Variants in TNS3 observed in about 807,000 individuals in gnomAD.
TNS3 encodes the protein tensin-3.
TNS3 carries 45 observed loss-of-function variants against 140.9 expected under a neutral mutation model. The observed-to-expected ratio is 0.32, with a 90% confidence interval of 0.25 to 0.41. TNS3 has a LOEUF of 0.41. Among genes scored for constraint, TNS3 ranks in the 10% least tolerant of loss-of-function variants. The pLI is 1.00. For missense variants in TNS3, 1,716 were observed against 1,906.7 expected (o/e 0.90, Z 1.86); for synonymous variants, 815 against 788.4 (o/e 1.03, Z -0.56).
chr7:47,543,685 TA>T (rs67922926), intron 1 of TNS3, among the ~76,000 whole-genome samples: 12,613 of 152,150 alleles, frequency 0.083, 1,753 homozygotes, highest in African/African-American at 0.29. Flanking sequence ...ACTCAGTAGA[TA>T]ACGTGATGAA....
At chr7:47,446,704 T>TTTTTTTTTTG (rs1795755974) in intron 4 of TNS3, among the ~76,000 whole-genome samples, 1 of 69,494 alleles carries the variant, frequency 1.4e-5, no homozygotes, top group Admixed American at 1.6e-4. Context: ...TTTTTTTTTT[T>TTTTTTTTTTG]TTTTTTTTTG....
chr7:47,444,030 T>C (rs1277714263), intron 4 of TNS3, among the ~76,000 whole-genome samples: 1 of 152,212 alleles, frequency 6.6e-6, no homozygotes, highest in Non-Finnish European at 1.5e-5. Context: ...CAAAAACCCG[T>C]TTAGGTTAAT....
intron 30 of TNS3, chr7:47,279,942 C>T (rs1402852517): frequency 3.3e-6 from 2 of 608,014 alleles, no homozygotes; most frequent in East Asian, 2.8e-5. Flanking sequence ...TTATATGACA[C>T]ATGTAAATAT....
Position 47,321,761 on chromosome 7 carries a change from A to C in TNS3, c.2651-16758T>G. Among the ~76,000 whole-genome samples the C allele has an allele frequency of 1.3e-5, 2 of 152,192 alleles. 1 individual carries two copies. The highest frequency in any genetic ancestry group is 2.9e-5 in the Non-Finnish European group (2 of 68,024). On this transcript the variant is annotated intron_variant, in intron 20 of 30. Transcript: ENST00000311160. ...GGGAACAAACACTTGGGAGTTCAGA[A>C]AGACCTTCGCTCAAATAGACCAAAT...
chr7:47,437,050 G>A (rs1269567883), intron 7 of TNS3, among the ~76,000 whole-genome samples: 2 of 152,080 alleles, frequency 1.3e-5, no homozygotes, highest in Admixed American at 1.3e-4. Flanking sequence ...TGGGTGAGAA[G>A]TACAGGAGAT....
chr7:47,447,107 G>A (rs976487356), intron 4 of TNS3, among the ~76,000 whole-genome samples: 29 of 105,070 alleles, frequency 2.8e-4, no homozygotes, highest in African/African-American at 7.0e-4. Flanking sequence ...TTTCTCTTCC[G>A]GTAAAATGAC....
chr7:47,361,218 A>AAAAACAAAAAAAAAAAAAAAAC (rs1375554684), intron 17 of TNS3, among the ~76,000 whole-genome samples: 1 of 147,728 alleles, frequency 6.8e-6, no homozygotes, highest in Non-Finnish European at 1.5e-5. Flanking sequence ...AAAAAAAAAA[A>AAAAACAAAAAAAAAAAAAAAAC]AAAAAACAAG....
Position 47,369,273 on chromosome 7 carries a change from A to G in TNS3, c.1373T>C (p.Val458Ala), listed in dbSNP as rs970956240. The G allele has an allele frequency of 6.2e-7, 1 of 1,614,134 alleles. No homozygotes were observed. Residue 458 changes from valine to alanine, a missense_variant, in exon 17 of 31, where the codon GTG (valine) becomes GCG (alanine). Val to Ala is a moderately conservative substitution (Grantham distance 64, BLOSUM62 0). Transcript: ENST00000311160. ...TCCATTCACGTGAACCTGGGCTGGC[A>G]CCACGTGGCGGGTCCCACTGTACTT... is the stretch of plus-strand genomic sequence containing the variant. ...RSKYSGTRHVVPAQVHVNGDA... is the reference protein window; with the variant it reads ...RSKYSGTRHVAPAQVHVNGDA...
chr7:47,397,195 C>T (rs1792885189), intron 15 of TNS3, among the ~76,000 whole-genome samples: 1 of 152,208 alleles, frequency 6.6e-6, no homozygotes, highest in Non-Finnish European at 1.5e-5. Flanking sequence ...GACCACCTCA[C>T]TGATGAGGAC....
intron 4 of TNS3, among the ~76,000 whole-genome samples, chr7:47,465,079 T>C (rs1435636713): frequency 1.3e-5 from 2 of 152,188 alleles, no homozygotes; most frequent in Admixed American, 6.5e-5. Context: ...AAAGTAAAAA[T>C]GTACCTGGCT....
At chr7:47,341,108 T>G in intron 20 of TNS3, among the ~76,000 whole-genome samples, 1 of 152,244 alleles carries the variant, frequency 6.6e-6, no homozygotes, top group East Asian at 1.9e-4. Context: ...GGCTACAGTG[T>G]GTCAATCTTT....
intron 20 of TNS3, among the ~76,000 whole-genome samples, chr7:47,326,160 G>C (rs1293672423): frequency 1.3e-5 from 2 of 152,162 alleles, no homozygotes; most frequent in Non-Finnish European, 2.9e-5. Context: ...ATGGAAATCA[G>C]AATTACAGCT....
intron 17 of TNS3, among the ~76,000 whole-genome samples, chr7:47,367,266 G>A (rs935053215): frequency 2.0e-5 from 3 of 152,138 alleles, no homozygotes; most frequent in Non-Finnish European, 2.9e-5. Flanking sequence ...TCCCCTACCT[G>A]AGACAACCCT....
chr7:47,299,901 T>G (rs1786290628), intron 23 of TNS3, among the ~76,000 whole-genome samples: 1 of 152,194 alleles, frequency 6.6e-6, no homozygotes, highest in Admixed American at 6.5e-5. Flanking sequence ...CAAGTGAGTC[T>G]CCTCGCACCT....
At chr7:47,452,518 T>A (rs1796060385) in intron 4 of TNS3, among the ~76,000 whole-genome samples, 1 of 152,190 alleles carries the variant, frequency 6.6e-6, no homozygotes, top group Non-Finnish European at 1.5e-5. Context: ...TAAGATTGTA[T>A]CTCTATTTAT....
At chr7:47,395,039 G>A (rs1409593544) in intron 16 of TNS3, among the ~76,000 whole-genome samples, 3 of 152,240 alleles carry the variant, frequency 2.0e-5, no homozygotes, top group Non-Finnish European at 4.4e-5. Context: ...CATTGGCACA[G>A]AGAACACCCA....
At chr7:47,543,938 CA>C (rs1799857730) in intron 1 of TNS3, among the ~76,000 whole-genome samples, 1 of 152,208 alleles carries the variant, frequency 6.6e-6, no homozygotes, top group South Asian at 2.1e-4. Flanking sequence ...GGGAAACCAG[CA>C]TTTGTTTCCC....
At chr7:47,352,725 C>G (rs1455607520) in intron 17 of TNS3, among the ~76,000 whole-genome samples, 1 of 152,166 alleles carries the variant, frequency 6.6e-6, no homozygotes, top group Non-Finnish European at 1.5e-5. Flanking sequence ...CAAAGGCACC[C>G]TCTTCTCACT....
intron 9 of TNS3, 77 bp from the exon 10 acceptor site, chr7:47,424,261 T>A: frequency 6.9e-7 from 1 of 1,458,046 alleles, no homozygotes; most frequent in Non-Finnish European, 9.5e-7. Context: ...GGGATGTGTC[T>A]CATGGCTGTT....
Sources: allele counts gnomAD v4.1 joint callset (sites outside exome capture counted in the v4.1 genomes callset), GRCh38; gene constraint gnomAD v4.1.1; transcripts MANE v1.5; gene names NCBI Gene and HGNC (gene_info 2026-07-23, HGNC 2026-07-21).